THUMPD2: variants seen among roughly 807,000 people sequenced by gnomAD.
The protein encoded by THUMPD2 is U6 snRNA (guanine-N(2))-methyltransferase THUMPD2.
Under a neutral mutation model 49.4 loss-of-function variants are expected in THUMPD2, and 56 were observed. That is an observed-to-expected ratio of 1.13 (90% CI 0.91 to 1.41). The LOEUF (loss-of-function observed/expected upper bound fraction) is 1.41. Among genes scored for constraint, THUMPD2 ranks in the 40% most tolerant of loss-of-function variants. The pLI, the probability that THUMPD2 is intolerant of heterozygous loss-of-function variation, is 0.00. For missense variants in THUMPD2, 709 were observed against 594.5 expected, an observed-to-expected ratio of 1.19 and a Z score of -2.00; for synonymous variants, 237 against 205.2, an observed-to-expected ratio of 1.15 and a Z score of -1.32.
chr2:39,744,967 A>G (rs981278872), intron 8 of THUMPD2, among the ~76,000 whole-genome samples: 37 of 152,292 alleles, frequency 2.4e-4, no homozygotes, highest in African/African-American at 8.9e-4. Flanking sequence ...AGACTAGAGA[A>G]AAGGCTACAT....
At chr2:39,748,960 T>C (rs1675008667) in intron 8 of THUMPD2, among the ~76,000 whole-genome samples, 1 of 151,820 alleles carries the variant, frequency 6.6e-6, no homozygotes. Flanking sequence ...CACTCTAGCC[T>C]GGGTGACAGA....
Position 39,744,407 on chromosome 2 carries a change from C to G in THUMPD2, c.1150G>C (p.Gly384Arg), listed in dbSNP as rs536049570. The change falls in exon 9 of 10, where the codon GGA (glycine) becomes CGA (arginine). Residue 384 changes from glycine (G) to arginine (R), a missense_variant. Gly to Arg is a moderately radical substitution (Grantham distance 125). Coordinates refer to ENST00000505747, the MANE Select transcript of THUMPD2 (RefSeq NM_025264.5). ...DIPFGKKFKL[G>R]KDIKSILQEM... The stretch of plus-strand genomic sequence containing the variant: ...TGTAGAATGCTTTTGATGTCTTTTC[C>G]TAACTTAAACTTTTTCCCAAATGGA... 3.3e-5 allele frequency: 52 copies of G among 1,582,808 alleles called. No individual in the cohort carries two copies. In the South Asian group the frequency reaches 4.3e-4, roughly 13 times the overall value.
In THUMPD2 at chr2:39,736,778, G is replaced by A. The variant is rs149740816; in HGVS notation, c.1469C>T (p.Ala490Val). ...CGACTTCTTATATTTACATATGAACGCATCTGTCTTTCCAAGGCTAACTTT... is the reference window on the plus strand; with the variant it reads ...CGACTTCTTATATTTACATATGAACACATCTGTCTTTCCAAGGCTAACTTT... Reference protein sequence around the residue: ...CYKVSLGKTDAFICKYKKSHS... With the variant: ...CYKVSLGKTDVFICKYKKSHS... The change falls in exon 10 of 10, where the codon GCG becomes GTG. Residue 490 changes from alanine to valine, a missense_variant. Transcript: ENST00000505747. The A allele has an allele frequency of 1.5e-5, 24 of 1,614,092 alleles. No individual in the cohort carries two copies. The highest frequency in any genetic ancestry group is 6.7e-5 in the East Asian group (3 of 44,872).
intron 8 of THUMPD2, among the ~76,000 whole-genome samples, chr2:39,745,525 CAATA>C (rs1199969903): frequency 6.6e-6 from 1 of 152,114 alleles, no homozygotes; most frequent in African/African-American, 2.4e-5. Flanking sequence ...TGACTAAAGA[CAATA>C]AATAGACAAC....
intron 2 of THUMPD2, 21 bp from the exon 3 acceptor site, chr2:39,770,140 T>C (rs770485730): frequency 4.9e-6 from 7 of 1,440,826 alleles, no homozygotes; most frequent in Middle Eastern, 2.5e-4. Context: ...AAAATCTTGT[T>C]GATCCTCTAT....
intron 1 of THUMPD2, among the ~76,000 whole-genome samples, chr2:39,775,182 G>A (rs1251269901): frequency 2.0e-5 from 3 of 152,234 alleles, no homozygotes; most frequent in South Asian, 2.1e-4. Flanking sequence ...AGAAGGGTAA[G>A]GTGGGAGGAT....
rs1373028199 is a variant in THUMPD2 at position 39,771,550 on chromosome 2, G to GCAAAAATA, written c.209_216dup (p.Leu73TyrfsTer4). 6.2e-7 allele frequency: 1 copy of GCAAAAATA among 1,606,992 alleles called. No individual in the cohort carries two copies. The highest frequency in any genetic ancestry group is 2.2e-5 in the East Asian group (1 of 44,612). On this transcript the variant is annotated frameshift_variant, in exon 2 of 10. Transcript: ENST00000505747. LOFTEE classifies it high-confidence loss of function. ...ATAAGTGGAAACTGCTTTTTAATCA[G>GCAAAAATA]CAAAAATAATCTTTCTGCAGATTTT...
chr2:39,768,011 C>A (rs1305773603), intron 4 of THUMPD2, among the ~76,000 whole-genome samples: 6 of 152,064 alleles, frequency 3.9e-5, no homozygotes, highest in Non-Finnish European at 8.8e-5. Context: ...AACATAATCC[C>A]ATACCCATAA....
Position 39,752,531 on chromosome 2 carries a change from T to C in THUMPD2, c.1078+2764A>G, listed in dbSNP as rs562296817. ...AACGCTTTTATCTAGCCTGAATGTTTACCTCTGAAGTAGGTGCAATAAAGG... is the reference window on the plus strand; with the variant it reads ...AACGCTTTTATCTAGCCTGAATGTTCACCTCTGAAGTAGGTGCAATAAAGG... On this transcript the variant is annotated intron_variant, in intron 8 of 9. Coordinates refer to ENST00000505747, the MANE Select transcript of THUMPD2 (RefSeq NM_025264.5). Among the ~76,000 whole-genome samples, 8 of 152,332 alleles carry C rather than the reference T, an allele frequency of 5.3e-5. 1 individual carries two copies. The highest frequency in any genetic ancestry group is 5.2e-4 in the Admixed American group (8 of 15,300).
chr2:39,760,305 G>A (rs368237044), intron 6 of THUMPD2, among the ~76,000 whole-genome samples: 4 of 152,046 alleles, frequency 2.6e-5, no homozygotes, highest in South Asian at 2.1e-4. Context: ...TGGTAAAAAC[G>A]GTGTGTCTTG....
chr2:39,761,005 C>T (rs1676746188), intron 6 of THUMPD2, among the ~76,000 whole-genome samples: 2 of 152,096 alleles, frequency 1.3e-5, no homozygotes, highest in South Asian at 4.1e-4. Context: ...AAAAATTGAC[C>T]AAGATCTTGG....
chr2:39,758,248 T>C (rs937100360), intron 6 of THUMPD2, among the ~76,000 whole-genome samples: 1 of 152,210 alleles, frequency 6.6e-6, no homozygotes, highest in Non-Finnish European at 1.5e-5. Context: ...ACCATACCTC[T>C]TTCTTTATAC....
chr2:39,737,950 A>G (rs549996278), intron 9 of THUMPD2, among the ~76,000 whole-genome samples: 187 of 152,206 alleles, frequency 1.2e-3, no homozygotes, highest in Middle Eastern at 3.4e-3. Context: ...TCAGCTTGGA[A>G]CGTGCTGATG....
chr2:39,739,801 G>A (rs1315633611), intron 9 of THUMPD2, among the ~76,000 whole-genome samples: 1 of 152,206 alleles, frequency 6.6e-6, no homozygotes, highest in Non-Finnish European at 1.5e-5. Flanking sequence ...GAAGAGGGAA[G>A]CCTCTTCTAC....
chr2:39,775,370 A>G (rs1484655750), intron 1 of THUMPD2, among the ~76,000 whole-genome samples: 1 of 152,200 alleles, frequency 6.6e-6, no homozygotes, highest in Non-Finnish European at 1.5e-5. Flanking sequence ...CCATTTAGTT[A>G]CAGAATTAAT....
At position 39,755,918 on chromosome 2, in the gene THUMPD2, T is replaced by A. The variant is rs202183716; in HGVS notation, c.934A>T (p.Ile312Leu). Residue 312 changes from isoleucine to leucine, a missense_variant, in exon 7 of 10, where the codon ATA (isoleucine) becomes TTA (leucine). Ile to Leu is a conservative substitution (Grantham distance 5). Coordinates refer to ENST00000505747, the MANE Select transcript of THUMPD2 (RefSeq NM_025264.5). ...CATTCTTTAGCAGCTTCCAAAAGTA[T>A]TGTTCCAAGTCCACACATTGGATCT... ...VLDPMCGLGT[I>L]LLEAAKEWPD... The A allele has an allele frequency of 3.7e-6, 6 of 1,613,930 alleles. No homozygotes were observed. The highest frequency in any genetic ancestry group is 5.1e-6 in the Non-Finnish European group (6 of 1,179,898).
intron 6 of THUMPD2, 60 bp from the exon 7 acceptor site, chr2:39,756,020 A>C: frequency 1.4e-6 from 2 of 1,454,618 alleles, no homozygotes; most frequent in African/African-American, 1.4e-5. Context: ...ACTATAAAAG[A>C]AACCTAAAAC....
chr2:39,752,823 A>C (rs1164888205), intron 8 of THUMPD2, among the ~76,000 whole-genome samples: 1 of 152,172 alleles, frequency 6.6e-6, no homozygotes, highest in Non-Finnish European at 1.5e-5. Flanking sequence ...TAAAAATTAT[A>C]ATCTCCAGTA....
chr2:39,768,582 C>G (rs1055001663), intron 3 of THUMPD2, 81 bp from the exon 4 acceptor site: 14 of 1,135,734 alleles, frequency 1.2e-5, no homozygotes, highest in South Asian at 1.2e-4. Context: ...AACAGAGTAG[C>G]CTATAAGAAA....
Sources: allele counts gnomAD v4.1 joint callset (sites outside exome capture counted in the v4.1 genomes callset), GRCh38; gene constraint gnomAD v4.1.1; transcripts MANE v1.5; gene names NCBI Gene and HGNC (gene_info 2026-07-23, HGNC 2026-07-21).